Variants in IGF2R observed in about 807,000 individuals in gnomAD.
The protein encoded by IGF2R is insulin like growth factor 2 receptor, also known as cation-independent mannose-6-phosphate receptor.
Under a neutral mutation model 270.6 loss-of-function variants are expected in IGF2R, and 91 were observed. The ratio of observed to expected loss-of-function variants is 0.34; its 90% confidence interval spans 0.28 to 0.40. IGF2R has a LOEUF of 0.40. Among genes scored for constraint, IGF2R ranks in the 10% least tolerant of loss-of-function variants. The pLI, the probability that IGF2R is intolerant of heterozygous loss-of-function variation, is 1.00. For missense variants in IGF2R, 2,805 were observed against 3,188.3 expected (o/e 0.88, Z 2.90); for synonymous variants, 1,316 against 1,258.9 (o/e 1.05, Z -0.96).
At chr6:160,022,731 C>G (rs74515649) in intron 4 of IGF2R, among the ~76,000 whole-genome samples, 2 of 152,312 alleles carry the variant, frequency 1.3e-5, no homozygotes, top group South Asian at 2.1e-4. Context: ...TATCATACAT[C>G]ACAGTGCTGT....
At chr6:160,061,732 C>T in intron 24 of IGF2R, 21 bp from the exon 25 acceptor site, 1 of 1,614,002 alleles carries the variant, frequency 6.2e-7, no homozygotes, top group Non-Finnish European at 8.5e-7. Flanking sequence ...CATGCCCAAA[C>T]CACTTATTCT....
At chr6:159,970,444 A>T (rs1487320951) in intron 1 of IGF2R, among the ~76,000 whole-genome samples, 2 of 148,822 alleles carry the variant, frequency 1.3e-5, no homozygotes, top group East Asian at 1.9e-4. Context: ...GGTAGGGTTT[A>T]TGGGGGGGGT....
At chr6:160,077,328 G>A (rs959177253) in intron 36 of IGF2R, among the ~76,000 whole-genome samples, 1 of 152,180 alleles carries the variant, frequency 6.6e-6, no homozygotes, top group African/African-American at 2.4e-5. Context: ...TTGCCTTGCG[G>A]GGGGCTTCTG....
chr6:160,033,280 G>A (rs1777740886), intron 9 of IGF2R, among the ~76,000 whole-genome samples, 173 bp downstream of exon 9: 2 of 152,298 alleles, frequency 1.3e-5, no homozygotes, highest in South Asian at 4.2e-4. Flanking sequence ...GGGACTACAG[G>A]CAGGCACCAC....
At chr6:160,090,768 G>A (rs192111002) in intron 44 of IGF2R, among the ~76,000 whole-genome samples, 3 of 152,380 alleles carry the variant, frequency 2.0e-5, no homozygotes, top group African/African-American at 7.2e-5. Context: ...AGCCTGCTCT[G>A]ATGTCAAAGA....
At chr6:160,032,839 G>A in intron 8 of IGF2R, 103 bp from the exon 9 acceptor site, 1 of 1,390,378 alleles carries the variant, frequency 7.2e-7, no homozygotes, top group South Asian at 1.3e-5. Context: ...AGTTTGGGCT[G>A]GTGTTTCAGA....
At chr6:160,010,980 T>C (rs1169533592) in intron 4 of IGF2R, among the ~76,000 whole-genome samples, 195 bp downstream of exon 4, 2 of 152,228 alleles carry the variant, frequency 1.3e-5, no homozygotes, top group South Asian at 2.1e-4. Context: ...ATTTAAAATA[T>C]CACAGGATGT....
At chr6:160,006,732 C>T (rs1225972987) in intron 2 of IGF2R, 5 of 152,184 alleles carry the variant, frequency 3.3e-5, no homozygotes, top group African/African-American at 1.2e-4. Flanking sequence ...ATGGCACGTA[C>T]AGTGAGCCAT....
At chr6:160,025,341 G>A (rs1377208347) in intron 5 of IGF2R, among the ~76,000 whole-genome samples, 2 of 152,194 alleles carry the variant, frequency 1.3e-5, no homozygotes, top group Non-Finnish European at 2.9e-5. Context: ...TGTTAGTCCT[G>A]TAGGCCAGGA....
intron 19 of IGF2R, among the ~76,000 whole-genome samples, chr6:160,055,843 C>T (rs1229119368): frequency 6.6e-6 from 1 of 152,210 alleles, no homozygotes; most frequent in African/African-American, 2.4e-5. Context: ...GTGGTGCTCT[C>T]ACAAAGCTAA....
chr6:160,062,657 T>A, intron 26 of IGF2R, 38 bp downstream of exon 26: 1 of 1,450,458 alleles, frequency 6.9e-7, no homozygotes, highest in Non-Finnish European at 9.7e-7. Flanking sequence ...ATTTTAAATG[T>A]ATAGAGTAGC....
At chr6:160,070,278 A>T (rs1778688827) in intron 31 of IGF2R, among the ~76,000 whole-genome samples, 2 of 152,062 alleles carry the variant, frequency 1.3e-5, no homozygotes, top group African/African-American at 4.8e-5. Flanking sequence ...GCAGTTCCCG[A>T]CTCAGAATTG....
chr6:159,980,237 A>AGGAAGGAAGGAAGGAAGGAAGGTAGGT, intron 1 of IGF2R, among the ~76,000 whole-genome samples: 1 of 144,074 alleles, frequency 6.9e-6, no homozygotes. Flanking sequence ...GAAAGAAAGA[A>AGGAAGGAAGGAAGGAAGGAAGGTAGGT]AGGTACATGG....
In IGF2R at chr6:160,068,068, GTGTGTGT is replaced by G. The variant is rs1562365518; in HGVS notation, c.4116-180_4116-174del. On this transcript the variant is annotated intron_variant, in intron 29 of 47. Coordinates refer to ENST00000356956, the MANE Select transcript of IGF2R (RefSeq NM_000876.4). ...GTTGTTGCTGATTCTGATGGGGGGT[GTGTGTGT>G]GTGTGTGTGTGTGTGTGTGTGTGTG... is the stretch of plus-strand genomic sequence containing the variant. 3.5e-4 allele frequency among the ~76,000 whole-genome samples: 14 copies of G among 39,978 alleles called. No individual in the cohort carries two copies. The East Asian group carries it at 0.025, about 72-fold the overall frequency. 26.2% of individuals were successfully genotyped at this position (39,978 alleles called of 152,430 possible). A position where few individuals can be genotyped will look rare whatever the true frequency, so the allele number is the denominator to read the frequency against.
chr6:159,982,296 A>G (rs1453672905), intron 1 of IGF2R, among the ~76,000 whole-genome samples: 1 of 152,136 alleles, frequency 6.6e-6, no homozygotes. Flanking sequence ...TGTGCTGGAT[A>G]TGTATGAGCT....
At chr6:160,072,560 G>T (rs1229828079) in intron 32 of IGF2R, among the ~76,000 whole-genome samples, 3 of 152,220 alleles carry the variant, frequency 2.0e-5, no homozygotes, top group Non-Finnish European at 4.4e-5. Flanking sequence ...GATCTTTTCA[G>T]CTAAGGATGG....
At chr6:160,060,217 G>A (rs1030907505) in intron 22 of IGF2R, among the ~76,000 whole-genome samples, 2 of 152,034 alleles carry the variant, frequency 1.3e-5, no homozygotes, top group Non-Finnish European at 2.9e-5. Context: ...CAGTGAGTGT[G>A]TAAACCTGTC....
chr6:160,014,148 A>G (rs1777223523), intron 4 of IGF2R, among the ~76,000 whole-genome samples: 1 of 152,196 alleles, frequency 6.6e-6, no homozygotes, highest in African/African-American at 2.4e-5. Flanking sequence ...TAAGGTAATT[A>G]TTTCTTTAAA....
chr6:160,110,062 A>T lies in IGF2R; in HGVS notation c.*4978A>T, dbSNP rs987219107. 2.0e-5 allele frequency: 3 copies of T among 152,266 alleles called. No homozygotes were observed. The highest frequency in any genetic ancestry group is 1.3e-4 in the Admixed American group (2 of 15,284). 9.4% of individuals were successfully genotyped at this position (152,266 alleles called of 1,614,324 possible). ...AAGTGAAACAGCTTTTCTTGGTGTGAGACCTTTCAGAGTCTTTAAAGGAGA... is the reference window on the plus strand; with the variant it reads ...AAGTGAAACAGCTTTTCTTGGTGTGTGACCTTTCAGAGTCTTTAAAGGAGA... On this transcript the variant is annotated 3_prime_UTR_variant, in exon 48 of 48. Coordinates refer to ENST00000356956, the MANE Select transcript of IGF2R (RefSeq NM_000876.4).
Sources: gnomAD v4.1 joint callset for allele counts (sites outside exome capture counted in the v4.1 genomes callset) on GRCh38, gnomAD v4.1.1 for gene constraint, MANE v1.5 for transcripts, NCBI Gene and HGNC (gene_info 2026-07-23, HGNC 2026-07-21) for gene names.